Variants in AGTPBP1 observed in about 807,000 individuals in gnomAD.
AGTPBP1 encodes cytosolic carboxypeptidase 1.
In AGTPBP1, 70 loss-of-function variants were observed where a neutral mutation model predicts 143.9. The ratio of observed to expected loss-of-function variants is 0.49; its 90% CI spans 0.40 to 0.59. The LOEUF is 0.59. Among genes scored for constraint, AGTPBP1 ranks in the 20% least tolerant of loss-of-function variants. AGTPBP1 has a pLI of 0.00. For missense variants in AGTPBP1, 1,229 were observed against 1,464.5 expected (o/e 0.84, Z 2.62); for synonymous variants, 463 against 500.2 (o/e 0.93, Z 0.99).
rs1446632650 is a variant in AGTPBP1, at chr9:85,741,763, C to T, written c.-34+12G>A. 7 of 1,324,480 alleles carry T rather than the reference C, an allele frequency of 5.3e-6. No homozygotes were observed. Among genetic ancestry groups the T allele is most frequent in the Non-Finnish European group, 6.7e-6 (7 of 1,040,482 alleles). 82.0% of individuals were successfully genotyped at this position (1,324,480 alleles called of 1,614,324 possible). A position where few individuals can be genotyped will look rare whatever the true frequency, so the allele number is the denominator to read the frequency against. On this transcript the variant is annotated intron_variant, in intron 1 of 25. Coordinates refer to ENST00000357081, the MANE Select transcript of AGTPBP1 (RefSeq NM_001330701.2). ...GCCGGCCGGGACATGAGGACTGCAGCAGGGCGCTCACCGGCTCAGGATGGG... is the reference window on the plus strand; with the variant it reads ...GCCGGCCGGGACATGAGGACTGCAGTAGGGCGCTCACCGGCTCAGGATGGG...
At chr9:85,654,971 A>G (rs1029533318) in intron 11 of AGTPBP1, among the ~76,000 whole-genome samples, 172 bp downstream of exon 11, 62 of 152,240 alleles carry the variant, frequency 4.1e-4, no homozygotes, top group African/African-American at 1.4e-3. Context: ...CTTAATTATT[A>G]GCCTCCAATT....
intron 1 of AGTPBP1, among the ~76,000 whole-genome samples, chr9:85,723,308 T>A (rs1370993936): frequency 6.6e-6 from 1 of 152,238 alleles, no homozygotes. Context: ...CAGTAGGCCT[T>A]GCTGAGCTAT....
chr9:85,590,454 G>A (rs1034023275), intron 19 of AGTPBP1, among the ~76,000 whole-genome samples: 1 of 151,992 alleles, frequency 6.6e-6, no homozygotes, highest in Non-Finnish European at 1.5e-5. Context: ...TTATTATGTG[G>A]TTATACCAAA....
intron 2 of AGTPBP1, among the ~76,000 whole-genome samples, chr9:85,698,143 T>C (rs1436394720): frequency 6.6e-6 from 1 of 152,088 alleles, no homozygotes; most frequent in South Asian, 2.1e-4. Context: ...CAACATGCAA[T>C]TCACAAACAT....
At position 85,632,975 on chromosome 9, in the gene AGTPBP1, C is replaced by T. The variant is rs1253581486; in HGVS notation, c.1702G>A (p.Ala568Thr). 1 of 1,614,102 alleles carries T rather than the reference C, an allele frequency of 6.2e-7. No homozygotes were observed. Among genetic ancestry groups the T allele is most frequent in the Non-Finnish European group, 8.5e-7 (1 of 1,180,008 alleles). ...CSLPLTVLTC[A>T]KACPHMATCG... Reference sequence around the variant, plus strand: ...GTAGCCATGTGTGGACATGCTTTAGCACAGGTAAGGACAGTAAGAGGAAGA... The same window carrying T: ...GTAGCCATGTGTGGACATGCTTTAGTACAGGTAAGGACAGTAAGAGGAAGA... The change falls in exon 14 of 26, where the codon GCT (alanine) becomes ACT (threonine). Residue 568 changes from alanine to threonine, a missense_variant. Ala to Thr is a moderately conservative substitution (Grantham distance 58, BLOSUM62 0). This residue lies in a region of AGTPBP1 where 743 missense variants were observed against 812.2 expected (regional missense o/e 0.91). Transcript: ENST00000357081.
At chr9:85,709,943 C>CT (rs891818916) in intron 2 of AGTPBP1, among the ~76,000 whole-genome samples, 2 of 152,110 alleles carry the variant, frequency 1.3e-5, no homozygotes, top group African/African-American at 4.8e-5. Flanking sequence ...TAATTAGAAT[C>CT]TTTGTTTAAA....
Position 85,711,590 on chromosome 9 carries a change from C to G in AGTPBP1, c.32+912G>C, listed in dbSNP as rs574174437. On this transcript the variant is annotated intron_variant, in intron 2 of 25. Coordinates refer to ENST00000357081, the MANE Select transcript of AGTPBP1 (RefSeq NM_001330701.2). ...GAGTAGCTGGGACTACAGGCGCCTA[C>G]CACCACACCTGGCTAATTTTTGTAT... Among the ~76,000 whole-genome samples the G allele has an allele frequency of 2.4e-4, 37 of 152,012 alleles. No homozygotes were observed. The South Asian group carries it at 7.7e-3, about 32-fold the overall frequency.
chr9:85,586,816 AG>A lies in AGTPBP1; in HGVS notation c.3033+14del. The A allele has an allele frequency of 1.2e-6, 2 of 1,605,698 alleles. No individual in the cohort carries two copies. Among genetic ancestry groups the A allele is most frequent in the Non-Finnish European group, 1.7e-6 (2 of 1,174,142 alleles). ...TCTTTGACTATCCCAAGTAAAAACA[AG>A]TATTGCTACTTACCAAGGGTAAACG... is the stretch of plus-strand genomic sequence containing the variant. On this transcript the variant is annotated intron_variant, in intron 22 of 25. Transcript: ENST00000357081.
intron 25 of AGTPBP1, among the ~76,000 whole-genome samples, chr9:85,558,811 G>T: frequency 6.6e-6 from 1 of 152,144 alleles, no homozygotes. Context: ...TAGAGACAGG[G>T]TTTCACCACG....
At chr9:85,679,293 T>G (rs889590387) in intron 4 of AGTPBP1, among the ~76,000 whole-genome samples, 2 of 152,252 alleles carry the variant, frequency 1.3e-5, no homozygotes, top group Non-Finnish European at 2.9e-5. Flanking sequence ...TTCTTAAAAG[T>G]AATGCTCAAT....
intron 1 of AGTPBP1, among the ~76,000 whole-genome samples, chr9:85,736,738 A>T (rs1823813711): frequency 6.6e-6 from 1 of 152,234 alleles, no homozygotes; most frequent in Non-Finnish European, 1.5e-5. Context: ...AACTATTTGT[A>T]TAATACTAAA....
chr9:85,624,956 A>T (rs1489011889), intron 14 of AGTPBP1, among the ~76,000 whole-genome samples: 1 of 152,232 alleles, frequency 6.6e-6, no homozygotes, highest in African/African-American at 2.4e-5. Context: ...CTATCAGGGT[A>T]TAGACAGCTT....
Position 85,589,657 on chromosome 9 carries a change from C to T in AGTPBP1, c.2593G>A (p.Ala865Thr). ...AAATAGATTTGCTGAGGATTGTGTGCTGATTCCAATTTTTGAAGATGCATC... is the reference window on the plus strand; with the variant it reads ...AAATAGATTTGCTGAGGATTGTGTGTTGATTCCAATTTTTGAAGATGCATC... ...LQMHLQKLES[A>T]HNPQQIYFRK... Residue 865 changes from alanine to threonine, a missense_variant, in exon 20 of 26, where the codon GCA becomes ACA. Ala to Thr is a moderately conservative substitution (Grantham distance 58, BLOSUM62 0). Around this residue, in one of 2 missense-constraint regions of AGTPBP1, gnomAD observed 486 missense variants for 652.3 expected, o/e 0.75. Coordinates refer to ENST00000357081, the MANE Select transcript of AGTPBP1 (RefSeq NM_001330701.2). 1.2e-6 allele frequency: 2 copies of T among 1,603,146 alleles called. No individual in the cohort carries two copies. The highest frequency in any genetic ancestry group is 1.7e-6 in the Non-Finnish European group (2 of 1,177,130).
At chr9:85,757,929 A>T in the AGTPBP1 span, among the ~76,000 whole-genome samples, 3 of 152,248 alleles carry the variant, frequency 2.0e-5, no homozygotes, top group East Asian at 5.8e-4. Flanking sequence ...AATGAATGCA[A>T]GTCTGCATAT....
intron 2 of AGTPBP1, among the ~76,000 whole-genome samples, chr9:85,693,771 A>G (rs1421532236): frequency 1.3e-5 from 2 of 152,182 alleles, no homozygotes; most frequent in Non-Finnish European, 1.5e-5. Context: ...AGTACTATGG[A>G]GAAAAAGCAC....
At chr9:85,665,779 C>A (rs1034177193) in intron 8 of AGTPBP1, among the ~76,000 whole-genome samples, 2 of 152,092 alleles carry the variant, frequency 1.3e-5, no homozygotes, top group African/African-American at 2.4e-5. Flanking sequence ...CAGATGGCAA[C>A]ACCCATTGTG....
the AGTPBP1 span, among the ~76,000 whole-genome samples, chr9:85,763,174 C>CA: frequency 6.6e-6 from 1 of 151,352 alleles, no homozygotes; most frequent in African/African-American, 2.4e-5. Flanking sequence ...GGCAAAAAAA[C>CA]AAAAAACAAA....
At chr9:85,794,001 T>G in the AGTPBP1 span, among the ~76,000 whole-genome samples, 1 of 152,140 alleles carries the variant, frequency 6.6e-6, no homozygotes, top group Non-Finnish European at 1.5e-5. Context: ...GCTGATAGAG[T>G]TGAAGACTAA....
rs370381938 is a variant in AGTPBP1, at chr9:85,686,396, TCAGGAAGACACAAAAATCATGTGAATG to T, written c.158-5088_158-5062del. ...TCCATAATTATAAAGGGGTAAATCATCAGGAAGACACAAAAATCATGTGAATGCACTTGATTATCTTCACCCTCTTAT... is the reference window on the plus strand; with the variant it reads ...TCCATAATTATAAAGGGGTAAATCATCACTTGATTATCTTCACCCTCTTAT... On this transcript the variant is annotated intron_variant, in intron 3 of 25. Transcript: ENST00000357081. Among the ~76,000 whole-genome samples the T allele has an allele frequency of 1.5e-4, 23 of 152,178 alleles. 1 individual carries two copies. Among genetic ancestry groups the T allele is most frequent in the African/African-American group, 5.5e-4 (23 of 41,556 alleles).
Sources: gnomAD v4.1 joint callset for allele counts (sites outside exome capture counted in the v4.1 genomes callset) on GRCh38, gnomAD v4.1.1 for gene constraint, gnomAD v4.1.1 regional missense constraint, MANE v1.5 for transcripts, NCBI Gene and HGNC (gene_info 2026-07-23, HGNC 2026-07-21) for gene names.